RTN4: variants seen among roughly 807,000 people sequenced by gnomAD.
The protein encoded by RTN4 is reticulon-4.
A neutral mutation model predicts 90.4 loss-of-function variants in RTN4; 32 were observed. The observed-to-expected ratio is 0.35, with a 90% CI of 0.27 to 0.48. The LOEUF (loss-of-function observed/expected upper bound fraction) is 0.48, where lower values mean the gene tolerates loss of function less well. RTN4 is among the 20% of genes least tolerant of loss of function. RTN4 has a pLI of 0.99. For missense variants in RTN4, 1,706 were observed against 1,430.2 expected (o/e 1.19, Z -3.11); for synonymous variants, 629 against 552.5 (o/e 1.14, Z -1.94).
the RTN4 span, among the ~76,000 whole-genome samples, chr2:55,137,328 G>A: frequency 3.3e-5 from 5 of 152,078 alleles, no homozygotes; most frequent in Non-Finnish European, 7.4e-5. Flanking sequence ...CCAGAGAGGG[G>A]GCCAGCCATG....
At chr2:54,995,880 G>GT (rs549366457) in intron 3 of RTN4, among the ~76,000 whole-genome samples, 68 of 150,820 alleles carry the variant, frequency 4.5e-4, no homozygotes, top group African/African-American at 1.4e-3. Context: ...GCAAGGAATT[G>GT]TTTTTTTTTC....
At chr2:55,135,620 C>A in the RTN4 span, among the ~76,000 whole-genome samples, 14,267 of 152,184 alleles carry the variant, frequency 0.094, 778 homozygotes, top group East Asian at 0.22. Flanking sequence ...ATAAACTGCA[C>A]AACTTGGTAA....
upstream of RTN4, among the ~76,000 whole-genome samples, chr2:55,055,668 G>A (rs147952273): frequency 0.11 from 16,043 of 151,870 alleles, 844 homozygotes; most frequent in Middle Eastern, 0.15. Flanking sequence ...TACTCGGGAG[G>A]CTGAGGCAGG....
At chr2:55,018,494 G>A (rs1380474725) in intron 3 of RTN4, among the ~76,000 whole-genome samples, 1 of 151,970 alleles carries the variant, frequency 6.6e-6, no homozygotes, top group African/African-American at 2.4e-5. Context: ...GGGTTGCAGA[G>A]TAGGGATTTG....
At chr2:55,106,765 C>T (rs757427931) in intron 1 of RTN4, among the ~76,000 whole-genome samples, 6 of 152,162 alleles carry the variant, frequency 3.9e-5, no homozygotes, top group South Asian at 2.1e-4. Context: ...GGTGATCCAC[C>T]GGCCTAGGCC....
intron 3 of RTN4, among the ~76,000 whole-genome samples, chr2:55,016,445 C>T (rs558688704): frequency 4.6e-5 from 7 of 151,818 alleles, no homozygotes; most frequent in African/African-American, 7.3e-5. Context: ...TAGCCAGGCA[C>T]GGTGGCCCAC....
intron 3 of RTN4, among the ~76,000 whole-genome samples, chr2:55,012,143 A>G (rs1299096981): frequency 6.6e-6 from 1 of 152,232 alleles, no homozygotes; most frequent in East Asian, 1.9e-4. Context: ...AGTAGAAGAA[A>G]AAAGTTTTAC....
intron 2 of RTN4, among the ~76,000 whole-genome samples, chr2:55,076,894 G>C (rs1426413720): frequency 6.6e-6 from 1 of 152,076 alleles, no homozygotes; most frequent in African/African-American, 2.4e-5. Flanking sequence ...TTGTGGAAAA[G>C]GACATGTTTG....
chr2:55,050,020 AG>A lies in RTN4; in HGVS notation c.280del (p.Leu94CysfsTer58). 7.2e-7 allele frequency: 1 copy of A among 1,387,586 alleles called. No homozygotes were observed. Among genetic ancestry groups the A allele is most frequent in the South Asian group, 1.6e-5 (1 of 61,880 alleles). The allele number at this position is 1,387,586 out of a possible 1,614,324, so 86.0% of individuals were successfully genotyped here. The part of the protein sequence containing the change: ...DFVPPAPRGP[L>X]PAAPPVAPER... ...CGGGGCGACGGGGGGAGCGGCCGGC[AG>A]GGGTCCCCGGGGCGCCGGCGGCACG... is the stretch of plus-strand genomic sequence containing the variant. On this transcript the variant is annotated frameshift_variant, in exon 1 of 9. Transcript: ENST00000337526. LOFTEE classifies it high-confidence loss of function. The surrounding 1 kb of genome is among the most constrained non-coding windows in gnomAD (Gnocchi z 4.6).
At chr2:54,982,145 G>A (rs1041394260) in intron 5 of RTN4, among the ~76,000 whole-genome samples, 3 of 119,908 alleles carry the variant, frequency 2.5e-5, no homozygotes, top group East Asian at 3.9e-4. Context: ...TAGTAGAGAC[G>A]GGGTTTCTCC....
upstream of RTN4, among the ~76,000 whole-genome samples, chr2:55,055,097 A>G (rs1045261969): frequency 1.3e-5 from 2 of 152,054 alleles, no homozygotes; most frequent in Non-Finnish European, 2.9e-5. Context: ...ACTGAACCAA[A>G]TCTTTCTCCT....
intron 3 of RTN4, among the ~76,000 whole-genome samples, chr2:54,999,158 T>C (rs61557788): frequency 2.8e-4 from 43 of 152,312 alleles, no homozygotes; most frequent in African/African-American, 1.0e-3. Context: ...GTCTCCAAGA[T>C]AAAAATGTGA....
chr2:55,135,987 C>A, the RTN4 span, among the ~76,000 whole-genome samples: 2 of 152,152 alleles, frequency 1.3e-5, no homozygotes, highest in African/African-American at 2.4e-5. Context: ...ATGAGCAAGG[C>A]AGGAGAGGGC....
At chr2:55,080,167 C>T (rs1436673805) in intron 2 of RTN4, among the ~76,000 whole-genome samples, 3 of 152,212 alleles carry the variant, frequency 2.0e-5, no homozygotes, top group African/African-American at 7.2e-5. Context: ...CAGGTACACA[C>T]CACCATACCC....
At chr2:55,029,921 A>C (rs1404324947) in intron 1 of RTN4, among the ~76,000 whole-genome samples, 1 of 152,224 alleles carries the variant, frequency 6.6e-6, no homozygotes, top group Non-Finnish European at 1.5e-5. Context: ...TGTAAAATGA[A>C]GGAAAGTTCC....
chr2:55,047,351 G>C (rs1667816736), intron 1 of RTN4, among the ~76,000 whole-genome samples: 1 of 150,032 alleles, frequency 6.7e-6, no homozygotes, highest in South Asian at 2.1e-4. Context: ...AAAAATTCCT[G>C]TTTAAAAATA....
At position 54,987,506 on chromosome 2, in the gene RTN4, T is replaced by A; in HGVS notation, c.3206A>T (p.Glu1069Val). ...GVIQAIQKSD[E>V]GHPFRAYLES... ...GACATCTCACCTGAATGGGTGGCCTTCATCTGATTTCTGGATAGCTTGGAT... is the reference window on the plus strand; with the variant it reads ...GACATCTCACCTGAATGGGTGGCCTACATCTGATTTCTGGATAGCTTGGAT... The change falls in exon 4 of 9, where the codon GAA (glutamate) becomes GTA (valine). Residue 1069 changes from glutamate (E) to valine (V), a missense_variant. Glu to Val is a moderately radical substitution (Grantham distance 121, BLOSUM62 -2). Transcript: ENST00000337526. The A allele has an allele frequency of 1.2e-6, 2 of 1,613,702 alleles. No individual in the cohort carries two copies. Among genetic ancestry groups the A allele is most frequent in the South Asian group, 1.1e-5 (1 of 91,084 alleles).
At chr2:55,088,396 A>C (rs1668881328) in intron 1 of RTN4, among the ~76,000 whole-genome samples, 1 of 152,238 alleles carries the variant, frequency 6.6e-6, no homozygotes, top group Non-Finnish European at 1.5e-5. Flanking sequence ...ACTGTTAGGG[A>C]TTTAATAATA....
chr2:54,981,093 G>A (rs562071420), intron 5 of RTN4, among the ~76,000 whole-genome samples: 159 of 152,214 alleles, frequency 1.0e-3, no homozygotes, highest in African/African-American at 3.6e-3. Context: ...CACTCTATAC[G>A]AAAGAGGTAA....
Sources: gnomAD v4.1 joint callset for allele counts (sites outside exome capture counted in the v4.1 genomes callset) on GRCh38, gnomAD v4.1.1 for gene constraint, Gnocchi (gnomAD v3.1) non-coding constraint, MANE v1.5 for transcripts, NCBI Gene and HGNC (gene_info 2026-07-23, HGNC 2026-07-21) for gene names.